KIF1A: variants seen among roughly 807,000 people sequenced by gnomAD.
KIF1A encodes kinesin family member 1A.
A neutral mutation model predicts 227.3 loss-of-function variants in KIF1A; 46 were observed. The ratio of observed to expected loss-of-function variants is 0.20; its 90% CI spans 0.16 to 0.26. The LOEUF (loss-of-function observed/expected upper bound fraction) is 0.26, where lower values mean the gene tolerates loss of function less well. KIF1A is among the 10% of genes least tolerant of loss of function. The probability of loss-of-function intolerance (pLI) is 1.00; values close to 1 mark genes in which losing one functional copy is unlikely to be tolerated. For synonymous variants in KIF1A, 1,022 were observed against 1,012.8 expected, an observed-to-expected ratio of 1.01 and a Z score of -0.17; for missense variants, 1,683 against 2,485.9, an observed-to-expected ratio of 0.68 and a Z score of 6.87.
rs769735490 is a variant in KIF1A at position 240,737,198 on chromosome 2, C to T, written c.3902-30G>A. The T allele has an allele frequency of 8.8e-6, 14 of 1,590,666 alleles. No individual in the cohort carries two copies. In the East Asian group the frequency reaches 3.1e-4, roughly 36 times the overall value. ...AGAAAAGGCAACGGGCCACAGGTCACTTCCCAGGGGGCAGGTGGGACCCTG... is the reference window on the plus strand; with the variant it reads ...AGAAAAGGCAACGGGCCACAGGTCATTTCCCAGGGGGCAGGTGGGACCCTG... On this transcript the variant is annotated intron_variant, in intron 37 of 48. Transcript: ENST00000498729.
At chr2:240,808,292 A>G (rs1205599304) in intron 1 of KIF1A, among the ~76,000 whole-genome samples, 1 of 152,248 alleles carries the variant, frequency 6.6e-6, no homozygotes, top group Non-Finnish European at 1.5e-5. Flanking sequence ...GGAAGGTTCA[A>G]TAAGGTTGTA....
rs1372917042 is a variant in KIF1A, at chr2:240,719,884, C to T, written c.4911G>A (p.Glu1637=). The T allele has an allele frequency of 4.3e-6, 7 of 1,611,790 alleles. No homozygotes were observed. Among genetic ancestry groups the T allele is most frequent in the African/African-American group, 1.3e-5 (1 of 75,020 alleles). The stretch of plus-strand genomic sequence containing the variant: ...TCTTGGAGTCGGCCTCTGGCAGCAG[C>T]TCGGGCTCTGGGCTGGCTGGCCGGG... ...PCSRPASPEP[E]LLPEADSKKL... is the part of the protein sequence containing the mutation. Residue 1637 remains glutamate (E), a synonymous_variant, in exon 46 of 49, where the codon GAG becomes GAA. Transcript: ENST00000498729.
At chr2:240,803,541 G>A (rs531547328) in intron 1 of KIF1A, among the ~76,000 whole-genome samples, 2 of 152,116 alleles carry the variant, frequency 1.3e-5, no homozygotes, top group Admixed American at 1.3e-4. Flanking sequence ...GTCTTTTTTT[G>A]GTTTACCTTT....
At position 240,765,813 on chromosome 2, in the gene KIF1A, G is replaced by A; in HGVS notation, c.1685-20C>T. 1.3e-6 allele frequency: 2 copies of A among 1,596,636 alleles called. No homozygotes were observed. Among genetic ancestry groups the A allele is most frequent in the Non-Finnish European group, 1.7e-6 (2 of 1,164,706 alleles). ...CCACAGCTACAGGAAAGGTGGGAGG[G>A]GCAGAGAGGAGGACTATGAGGGGCT... On this transcript the variant is annotated intron_variant, in intron 19 of 48. Coordinates refer to ENST00000498729, the MANE Select transcript of KIF1A (RefSeq NM_001244008.2).
rs371484127 is a variant in KIF1A at position 240,758,482 on chromosome 2, C to T, written c.2460G>A (p.Leu820=). ...CAGCGCGGTCGTACATCTCCCGCAT[C>T]AGGTCCAGACGCTGCCTGCAGGGAC... ...TLEKLRQRLD[L]MREMYDRAAE... Residue 820 remains leucine, a synonymous_variant, in exon 26 of 49, where the codon CTG becomes CTA. Coordinates refer to ENST00000498729, the MANE Select transcript of KIF1A (RefSeq NM_001244008.2). This position sits in a 1 kb window ranked among gnomAD's most constrained non-coding sequence, Gnocchi z 5.2. The T allele has an allele frequency of 1.6e-5, 26 of 1,593,630 alleles. No individual in the cohort carries two copies. Among genetic ancestry groups the T allele is most frequent in the Non-Finnish European group, 2.1e-5 (25 of 1,169,722 alleles).
intron 32 of KIF1A, 147 bp from the exon 33 acceptor site, chr2:240,744,207 T>C (rs1204780388): frequency 3.2e-6 from 2 of 619,486 alleles, no homozygotes; most frequent in Non-Finnish European, 5.8e-6. Flanking sequence ...AGCAGCCTCC[T>C]CTAGGCCCTT....
chr2:240,782,483 C>T (rs1292676476), intron 10 of KIF1A, 107 bp downstream of exon 10: 30 of 1,240,502 alleles, frequency 2.4e-5, no homozygotes. Flanking sequence ...CCCCCATCTC[C>T]CAGCGCACTC....
rs546224396 is a variant in KIF1A, at chr2:240,792,616, C to A, written c.107-3304G>T. ...TTTTCTCAGAGTCTCAGCTTTCCTG[C>A]GGCCTTGAGCACCAGGTGTGAGGGC... On this transcript the variant is annotated intron_variant, in intron 2 of 48. Transcript: ENST00000498729. This position sits in a 1 kb window ranked among gnomAD's most constrained non-coding sequence, Gnocchi z 4.5. Among the ~76,000 whole-genome samples, 2 of 152,284 alleles carry A rather than the reference C, an allele frequency of 1.3e-5. No homozygotes were observed. The highest frequency in any genetic ancestry group is 4.2e-4 in the South Asian group (2 of 4,818).
At chr2:240,773,048 A>G in intron 13 of KIF1A, 66 bp downstream of exon 13, 1 of 1,487,686 alleles carries the variant, frequency 6.7e-7, no homozygotes. Flanking sequence ...GGATGTGATG[A>G]CCTGCGAGGC....
At chr2:240,809,890 A>T (rs1490765497) in intron 1 of KIF1A, among the ~76,000 whole-genome samples, 7 of 141,656 alleles carry the variant, frequency 4.9e-5, no homozygotes, top group African/African-American at 9.4e-5. Flanking sequence ...GTATAATAAA[A>T]AAAAAAAAAA....
Position 240,722,733 on chromosome 2 carries a change from C to T in KIF1A, c.4465-77G>A, listed in dbSNP as rs1049157648. 2.4e-6 allele frequency: 3 copies of T among 1,227,452 alleles called. No individual in the cohort carries two copies. In the African/African-American group the frequency reaches 4.6e-5, roughly 19 times the overall value. The allele number at this position is 1,227,452 out of a possible 1,614,324, so 76.0% of individuals were successfully genotyped here. A position where few individuals can be genotyped will look rare whatever the true frequency, so the allele number is the denominator to read the frequency against. ...GAGTTGTGCTCAGCCTCAGCAGCAG[C>T]ATGACCCTCTGGGCAGACCCCGGAG... On this transcript the variant is annotated intron_variant, in intron 42 of 48. Coordinates refer to ENST00000498729, the MANE Select transcript of KIF1A (RefSeq NM_001244008.2).
chr2:240,811,439 G>C (rs1262629421), intron 1 of KIF1A, among the ~76,000 whole-genome samples: 3 of 152,228 alleles, frequency 2.0e-5, no homozygotes, highest in African/African-American at 7.2e-5. Context: ...ACCTGAGAGG[G>C]AGCCACGTGG....
In KIF1A at chr2:240,715,715, T is replaced by C. The variant is rs762956823; in HGVS notation, c.*1649A>G. Reference sequence around the variant, plus strand: ...CGCTGTCTCTCCCCCAGGCATGGGATTGGGGTCTCTGAGGCTCATGTCAGC... The same window carrying C: ...CGCTGTCTCTCCCCCAGGCATGGGACTGGGGTCTCTGAGGCTCATGTCAGC... On this transcript the variant is annotated 3_prime_UTR_variant, in exon 49 of 49. Transcript: ENST00000498729. The C allele has an allele frequency of 1.3e-5, 2 of 152,334 alleles. No homozygotes were observed. Among genetic ancestry groups the C allele is most frequent in the African/African-American group, 4.8e-5 (2 of 41,440 alleles). 9.4% of individuals were successfully genotyped at this position (152,334 alleles called of 1,614,324 possible). A position where few individuals can be genotyped will look rare whatever the true frequency, so the allele number is the denominator to read the frequency against.
At chr2:240,760,869 G>A (rs777650394) in intron 24 of KIF1A, 26 bp from the exon 25 acceptor site, 19 of 1,596,586 alleles carry the variant, frequency 1.2e-5, no homozygotes, top group Admixed American at 5.3e-5. Context: ...ATGACCACTC[G>A]TCAGCTCCTT....
chr2:240,791,002 C>T (rs371572954), intron 2 of KIF1A, among the ~76,000 whole-genome samples: 6 of 152,148 alleles, frequency 3.9e-5, no homozygotes, highest in Admixed American at 1.3e-4. Flanking sequence ...GCAGCCTTGT[C>T]GCCAGGGCAG....
At chr2:240,783,432 C>G (rs1359489654) in intron 8 of KIF1A, among the ~76,000 whole-genome samples, 1 of 152,238 alleles carries the variant, frequency 6.6e-6, no homozygotes, top group East Asian at 1.9e-4. Context: ...CTTCCCGACC[C>G]CGGCACTGCT....
Position 240,766,899 on chromosome 2 carries a change from G to A in KIF1A, c.1684+16C>T, listed in dbSNP as rs1266694422. 10 of 1,571,368 alleles carry A rather than the reference G, an allele frequency of 6.4e-6. No individual in the cohort carries two copies. Among genetic ancestry groups the A allele is most frequent in the East Asian group, 2.3e-5 (1 of 43,980 alleles). Reference sequence around the variant, plus strand: ...CAGGGGCATGGGTGCGGGTAGGGACGGTAGGGTGGTGATACCTTCGCTGCC... The same window carrying A: ...CAGGGGCATGGGTGCGGGTAGGGACAGTAGGGTGGTGATACCTTCGCTGCC... On this transcript the variant is annotated intron_variant, in intron 19 of 48. Coordinates refer to ENST00000498729, the MANE Select transcript of KIF1A (RefSeq NM_001244008.2). The surrounding 1 kb of genome is among the most constrained non-coding windows in gnomAD (Gnocchi z 5.0).
chr2:240,799,287 A>G (rs2056734700), intron 1 of KIF1A, among the ~76,000 whole-genome samples: 1 of 152,254 alleles, frequency 6.6e-6, no homozygotes, highest in Non-Finnish European at 1.5e-5. Flanking sequence ...GCCTGGGACC[A>G]GGGCAGACGC....
intron 1 of KIF1A, among the ~76,000 whole-genome samples, chr2:240,798,580 C>T (rs974418130): frequency 6.6e-5 from 10 of 152,172 alleles, no homozygotes; most frequent in Admixed American, 5.2e-4. Flanking sequence ...TGTGAAATGA[C>T]GGGGTGGTGG....
Sources: allele counts gnomAD v4.1 joint callset (sites outside exome capture counted in the v4.1 genomes callset), GRCh38; gene constraint gnomAD v4.1.1; non-coding constraint Gnocchi (gnomAD v3.1); transcripts MANE v1.5; gene names NCBI Gene and HGNC (gene_info 2026-07-23, HGNC 2026-07-21).